VPS13B: variants seen among roughly 807,000 people sequenced by gnomAD.
The protein encoded by VPS13B is intermembrane lipid transfer protein VPS13B.
Under a neutral mutation model 426.4 loss-of-function variants are expected in VPS13B, and 285 were observed. That is an observed-to-expected ratio of 0.67 (90% CI 0.61 to 0.74). The LOEUF (loss-of-function observed/expected upper bound fraction) is 0.74. VPS13B is among the 30% of genes least tolerant of loss of function. The pLI is 0.00. For synonymous variants in VPS13B, 1,676 were observed against 1,676.4 expected (o/e 1.00, Z 0.01); for missense variants, 4,537 against 4,782.6 (o/e 0.95, Z 1.51).
At chr8:99,231,148 A>T (rs573906901) in intron 17 of VPS13B, among the ~76,000 whole-genome samples, 1 of 152,368 alleles carries the variant, frequency 6.6e-6, no homozygotes, top group African/African-American at 2.4e-5. Flanking sequence ...CACCAGAGTA[A>T]AATACTATAA....
chr8:99,453,727 C>T (rs755710344), intron 23 of VPS13B, among the ~76,000 whole-genome samples: 2 of 152,216 alleles, frequency 1.3e-5, no homozygotes, highest in African/African-American at 4.8e-5. Context: ...CATTTTTAGA[C>T]TATTTTTTTA....
intron 33 of VPS13B, among the ~76,000 whole-genome samples, chr8:99,625,089 T>G (rs1276894628): frequency 2.0e-5 from 3 of 152,078 alleles, no homozygotes. Flanking sequence ...CCTCCCAAAG[T>G]GCTGGGATTA....
chr8:99,083,478 A>T (rs1783400331), intron 3 of VPS13B, among the ~76,000 whole-genome samples: 1 of 151,414 alleles, frequency 6.6e-6, no homozygotes, highest in East Asian at 1.9e-4. Flanking sequence ...CCCTGGCCAG[A>T]ACTTCCAACA....
chr8:99,199,432 A>G (rs533357023), intron 17 of VPS13B, among the ~76,000 whole-genome samples: 2 of 152,192 alleles, frequency 1.3e-5, no homozygotes. Flanking sequence ...CGGCCTCCCA[A>G]AGTGCTGGGA....
chr8:99,367,613 T>C (rs897562025), intron 19 of VPS13B, among the ~76,000 whole-genome samples: 7 of 152,236 alleles, frequency 4.6e-5, no homozygotes, highest in Non-Finnish European at 1.0e-4. Flanking sequence ...GCCTCCACTT[T>C]AAGGCAAATA....
intron 35 of VPS13B, among the ~76,000 whole-genome samples, chr8:99,691,606 C>T (rs566607554): frequency 6.6e-6 from 1 of 151,378 alleles, no homozygotes; most frequent in South Asian, 2.1e-4. Flanking sequence ...ATGTAAAGAC[C>T]ATCGAGACTA....
Position 99,228,526 on chromosome 8 carries a change from C to T in VPS13B, c.2515+35469C>T, listed in dbSNP as rs117706218. On this transcript the variant is annotated intron_variant, in intron 17 of 61. Coordinates refer to ENST00000357162, the MANE Select transcript of VPS13B (RefSeq NM_152564.5). The stretch of plus-strand genomic sequence containing the variant: ...ATAATTTTATTCACTAAGAAAAATA[C>T]AGTTATTTTATTTTTAGAACGTGAA... Among the ~76,000 whole-genome samples the T allele has an allele frequency of 1.4e-3, 209 of 152,178 alleles. 6 individuals carry two copies. In the East Asian group the frequency reaches 0.037, roughly 27 times the overall value.
intron 3 of VPS13B, among the ~76,000 whole-genome samples, chr8:99,064,132 A>G (rs1036924878): frequency 3.3e-4 from 50 of 152,352 alleles, no homozygotes; most frequent in Non-Finnish European, 7.3e-5. Flanking sequence ...AAGGTAGATA[A>G]AACCACAAAG....
Position 99,530,955 on chromosome 8 carries a change from A to G in VPS13B, c.4745+9945A>G, listed in dbSNP as rs150525603. Among the ~76,000 whole-genome samples the G allele has an allele frequency of 3.4e-4, 52 of 152,250 alleles. No individual in the cohort carries two copies. In the East Asian group the frequency reaches 9.8e-3, roughly 29 times the overall value. Reference sequence around the variant, plus strand: ...AGATGTACCAGCTGTAGTTTAACCAAGTTATTTATAACCAGTTTATAGCAT... The same window carrying G: ...AGATGTACCAGCTGTAGTTTAACCAGGTTATTTATAACCAGTTTATAGCAT... On this transcript the variant is annotated intron_variant, in intron 30 of 61. Transcript: ENST00000357162.
chr8:99,590,075 T>A (rs1480256185), intron 33 of VPS13B, among the ~76,000 whole-genome samples: 2 of 152,188 alleles, frequency 1.3e-5, no homozygotes, highest in Non-Finnish European at 2.9e-5. Context: ...GAAGAGTGTA[T>A]AAGTCCAGGA....
At chr8:99,333,134 A>T (rs574184674) in intron 19 of VPS13B, among the ~76,000 whole-genome samples, 2 of 151,700 alleles carry the variant, frequency 1.3e-5, no homozygotes, top group Admixed American at 1.3e-4. Flanking sequence ...TAGAGTTTAT[A>T]TATTTTAGAC....
Position 99,376,201 on chromosome 8 carries a change from T to C in VPS13B, c.2825-8007T>C, listed in dbSNP as rs573385377. On this transcript the variant is annotated intron_variant, in intron 19 of 61. Coordinates refer to ENST00000357162, the MANE Select transcript of VPS13B (RefSeq NM_152564.5). Reference sequence around the variant, plus strand: ...TAAACAGAATAAAATACTGCCAAATTTTAGTGATCTATGGTGGATGTGGTC... The same window carrying C: ...TAAACAGAATAAAATACTGCCAAATCTTAGTGATCTATGGTGGATGTGGTC... Among the ~76,000 whole-genome samples the C allele has an allele frequency of 1.4e-3, 209 of 152,298 alleles. 1 individual carries two copies. The highest frequency in any genetic ancestry group is 5.0e-3 in the African/African-American group (206 of 41,560).
intron 60 of VPS13B, chr8:99,871,245 A>C (rs1470936822): frequency 1.3e-6 from 1 of 791,978 alleles, no homozygotes; most frequent in Non-Finnish European, 2.0e-6. Flanking sequence ...ACCAAGGGAA[A>C]TCTTTGTTCC....
intron 23 of VPS13B, among the ~76,000 whole-genome samples, chr8:99,461,690 T>C (rs1818840201): frequency 6.6e-6 from 1 of 152,130 alleles, no homozygotes; most frequent in Non-Finnish European, 1.5e-5. Context: ...GCAATTCTCC[T>C]AGAATGTTTC....
chr8:99,372,676 G>A (rs532016364), intron 19 of VPS13B, among the ~76,000 whole-genome samples: 5 of 152,312 alleles, frequency 3.3e-5, no homozygotes, highest in East Asian at 1.9e-4. Context: ...AGATGCTGGC[G>A]AGGCTGTGGA....
intron 3 of VPS13B, among the ~76,000 whole-genome samples, chr8:99,049,717 C>T (rs933905373): frequency 1.1e-4 from 16 of 152,050 alleles, no homozygotes; most frequent in African/African-American, 3.6e-4. Context: ...GTCTAGGTTT[C>T]TAGCCAGGCT....
chr8:99,390,100 A>T (rs562212098), intron 20 of VPS13B, among the ~76,000 whole-genome samples: 12 of 144,146 alleles, frequency 8.3e-5, no homozygotes, highest in Middle Eastern at 3.6e-3. Flanking sequence ...CTCATTTTAA[A>T]TTTTTTTTTT....
At chr8:99,739,276 AG>A in intron 39 of VPS13B, among the ~76,000 whole-genome samples, 1 of 151,962 alleles carries the variant, frequency 6.6e-6, no homozygotes, top group East Asian at 1.9e-4. Flanking sequence ...AGGCTGGGGG[AG>A]GGGCGCCCGC....
At chr8:99,219,516 T>C (rs753724725) in intron 17 of VPS13B, among the ~76,000 whole-genome samples, 1 of 152,210 alleles carries the variant, frequency 6.6e-6, no homozygotes, top group Admixed American at 6.5e-5. Flanking sequence ...TTATAATGAA[T>C]GGAGATTTAT....
Sources: allele counts gnomAD v4.1 joint callset (sites outside exome capture counted in the v4.1 genomes callset), GRCh38; gene constraint gnomAD v4.1.1; transcripts MANE v1.5; gene names NCBI Gene and HGNC (gene_info 2026-07-23, HGNC 2026-07-21).